RASAL2: variants seen among roughly 807,000 people sequenced by gnomAD.
RASAL2 encodes the protein ras GTPase-activating protein nGAP.
Under a neutral mutation model 128.9 loss-of-function variants are expected in RASAL2, and 58 were observed. The observed-to-expected ratio is 0.45, with a 90% CI of 0.36 to 0.56. The LOEUF (loss-of-function observed/expected upper bound fraction) is 0.56, where lower values mean the gene tolerates loss of function less well. Ranked by LOEUF, RASAL2 falls within the 20% of genes least tolerant of loss-of-function variation. The pLI is 0.00. For synonymous variants in RASAL2, 561 were observed against 580.8 expected, an observed-to-expected ratio of 0.97 and a Z score of 0.49; for missense variants, 1,360 against 1,601.6, an observed-to-expected ratio of 0.85 and a Z score of 2.57.
Position 178,392,982 on chromosome 1 carries a change from C to G in RASAL2, c.564+2776C>G, listed in dbSNP as rs555118202. 2.0e-5 allele frequency among the ~76,000 whole-genome samples: 3 copies of G among 152,230 alleles called. No individual in the cohort carries two copies. In the East Asian group the frequency reaches 5.8e-4, roughly 29 times the overall value. Reference sequence around the variant, plus strand: ...CAGGGTATTCATGTATAATAACATTCAAAATGTGGGAAGAAGAGGAAATTT... The same window carrying G: ...CAGGGTATTCATGTATAATAACATTGAAAATGTGGGAAGAAGAGGAAATTT... On this transcript the variant is annotated intron_variant, in intron 4 of 17. Transcript: ENST00000367649.
intron 1 of RASAL2, among the ~76,000 whole-genome samples, chr1:178,226,508 G>GA (rs1164626536): frequency 6.6e-6 from 1 of 152,044 alleles, no homozygotes; most frequent in Non-Finnish European, 1.5e-5. Flanking sequence ...GAAGAGAAGA[G>GA]AAAAAACGGT....
chr1:178,103,836 T>G (rs985077006), intron 1 of RASAL2, among the ~76,000 whole-genome samples: 1 of 152,156 alleles, frequency 6.6e-6, no homozygotes, highest in Non-Finnish European at 1.5e-5. Flanking sequence ...CCCCCCACCC[T>G]TATGAAGAAA....
intron 3 of RASAL2, among the ~76,000 whole-genome samples, chr1:178,377,250 G>A (rs954872812): frequency 5.3e-5 from 8 of 151,922 alleles, no homozygotes; most frequent in Admixed American, 1.3e-4. Flanking sequence ...AACATCAAGG[G>A]AGAAACATAT....
At chr1:178,461,731 A>G (rs569305915) in intron 14 of RASAL2, among the ~76,000 whole-genome samples, 1 of 152,320 alleles carries the variant, frequency 6.6e-6, no homozygotes, top group African/African-American at 2.4e-5. Flanking sequence ...CCTCTTCAAG[A>G]ACTCCCAAAG....
intron 1 of RASAL2, among the ~76,000 whole-genome samples, chr1:178,242,829 C>T (rs537927520): frequency 5.9e-5 from 9 of 152,196 alleles, no homozygotes; most frequent in South Asian, 4.2e-4. Context: ...CAGGCTCAAG[C>T]GATCCTCACA....
In RASAL2 at chr1:178,300,138, AAAT is replaced by A; in HGVS notation, c.457+23_457+25del. ...AACTGGGTAAGCTACTATGAAAAGG[AAAT>A]AAATTCCTAGCTTTTATCCCATAAT... On this transcript the variant is annotated intron_variant, in intron 3 of 17. Transcript: ENST00000367649. 1 of 1,593,978 alleles carries A rather than the reference AAAT, an allele frequency of 6.3e-7. No homozygotes were observed. Among genetic ancestry groups the A allele is most frequent in the Non-Finnish European group, 8.5e-7 (1 of 1,172,372 alleles).
At chr1:178,313,884 A>T (rs972221037) in intron 3 of RASAL2, among the ~76,000 whole-genome samples, 1 of 152,228 alleles carries the variant, frequency 6.6e-6, no homozygotes, top group African/African-American at 2.4e-5. Flanking sequence ...AAACAAGACT[A>T]AAAACTTCTT....
At chr1:178,395,987 T>C (rs1260724356) in intron 4 of RASAL2, among the ~76,000 whole-genome samples, 2 of 151,716 alleles carry the variant, frequency 1.3e-5, no homozygotes, top group Non-Finnish European at 2.9e-5. Flanking sequence ...ATGATAAATA[T>C]CTTAGAAAAT....
intron 1 of RASAL2, among the ~76,000 whole-genome samples, chr1:178,251,265 CTATG>C (rs1414911962): frequency 6.6e-6 from 1 of 152,176 alleles, no homozygotes; most frequent in Non-Finnish European, 1.5e-5. Flanking sequence ...GAGAAAGGTA[CTATG>C]TAAGCTTATA....
chr1:178,445,458 T>G, intron 8 of RASAL2, 60 bp from the exon 9 acceptor site: 2 of 1,475,134 alleles, frequency 1.4e-6, no homozygotes, highest in South Asian at 2.8e-5. Flanking sequence ...TTCAAAAGTC[T>G]CTTCTAATGT....
At chr1:178,280,641 T>G (rs1370221532) in intron 1 of RASAL2, among the ~76,000 whole-genome samples, 1 of 152,102 alleles carries the variant, frequency 6.6e-6, no homozygotes, top group African/African-American at 2.4e-5. Flanking sequence ...ATCCATTGAC[T>G]TACCTCTGAT....
In RASAL2 at chr1:178,439,524, A is replaced by G. The variant is rs1033896279; in HGVS notation, c.777A>G (p.Val259=). 1.2e-6 allele frequency: 2 copies of G among 1,612,968 alleles called. No homozygotes were observed. The highest frequency in any genetic ancestry group is 1.7e-5 in the Admixed American group (1 of 59,858). ...ECLDLGRGEP[V]SVKPLHSSIL... is the part of the protein sequence containing the mutation. Reference sequence around the variant, plus strand: ...TGGATCTTGGTAGAGGGGAACCTGTATCAGTGAAACCACTTCATAGTAGCA... The same window carrying G: ...TGGATCTTGGTAGAGGGGAACCTGTGTCAGTGAAACCACTTCATAGTAGCA... The change falls in exon 6 of 18, where the codon GTA becomes GTG. Residue 259 remains valine, a synonymous_variant. Transcript: ENST00000367649.
chr1:178,237,763 G>A (rs1236767922), intron 1 of RASAL2, among the ~76,000 whole-genome samples: 1 of 152,116 alleles, frequency 6.6e-6, no homozygotes, highest in Non-Finnish European at 1.5e-5. Context: ...ATTTTTAGGT[G>A]TACAGTTCAG....
chr1:178,143,820 A>G (rs1398387821), intron 1 of RASAL2, among the ~76,000 whole-genome samples: 1 of 151,946 alleles, frequency 6.6e-6, no homozygotes, highest in East Asian at 1.9e-4. Flanking sequence ...TAAATTTTCA[A>G]AAGAGAAAGG....
intron 1 of RASAL2, among the ~76,000 whole-genome samples, chr1:178,253,295 C>T (rs1248036212): frequency 1.1e-4 from 17 of 152,082 alleles, no homozygotes; most frequent in Admixed American, 1.1e-3. Context: ...ACTCACCGTA[C>T]TCCAATATGA....
In RASAL2 at chr1:178,439,458, C is replaced by G. The variant is rs747827798; in HGVS notation, c.711C>G (p.Ser237=). The G allele has an allele frequency of 6.2e-7, 1 of 1,611,798 alleles. No homozygotes were observed. The highest frequency in any genetic ancestry group is 1.7e-5 in the Admixed American group (1 of 59,702). ...TGCCTAAACTAAAAGAGTCACGTTC[C>G]CATGAATCCTTGCTGAGCCCATGCA... ...RGLPKLKESR[S]HESLLSPCST... The change falls in exon 6 of 18, where the codon TCC becomes TCG. Residue 237 remains serine (S), a synonymous_variant. Transcript: ENST00000367649.
At chr1:178,109,972 C>G (rs1489946344) in intron 1 of RASAL2, among the ~76,000 whole-genome samples, 1 of 152,126 alleles carries the variant, frequency 6.6e-6, no homozygotes, top group Admixed American at 6.5e-5. Flanking sequence ...GAACTGTGAT[C>G]CTGCTACTAC....
chr1:178,267,168 A>G (rs1364826855), intron 1 of RASAL2, among the ~76,000 whole-genome samples: 1 of 152,132 alleles, frequency 6.6e-6, no homozygotes, highest in Non-Finnish European at 1.5e-5. Context: ...GATTACATTG[A>G]CTTTCTCCAT....
chr1:178,184,341 G>A (rs145576079), intron 1 of RASAL2, among the ~76,000 whole-genome samples: 2 of 149,814 alleles, frequency 1.3e-5, no homozygotes, highest in East Asian at 3.9e-4. Context: ...TATGCTTTTG[G>A]TGTTACATCC....
Sources: allele counts gnomAD v4.1 joint callset (sites outside exome capture counted in the v4.1 genomes callset), GRCh38; gene constraint gnomAD v4.1.1; transcripts MANE v1.5; gene names NCBI Gene and HGNC (gene_info 2026-07-23, HGNC 2026-07-21).